Variants in MYLK4 observed in about 807,000 individuals in gnomAD.
MYLK4 encodes caMLCK like.
MYLK4 carries 46 observed loss-of-function variants against 48.1 expected under a neutral mutation model. The ratio of observed to expected loss-of-function variants is 0.96; its 90% CI spans 0.75 to 1.22. The LOEUF (loss-of-function observed/expected upper bound fraction) is 1.22. MYLK4 is among the 50% of genes most tolerant of loss of function. MYLK4 has a pLI of 0.00. For synonymous variants in MYLK4, 170 were observed against 180.8 expected (o/e 0.94, Z 0.48); for missense variants, 451 against 486.1 (o/e 0.93, Z 0.68).
intron 2 of MYLK4, among the ~76,000 whole-genome samples, chr6:2,698,685 T>TA (rs958473527): frequency 6.6e-6 from 1 of 152,186 alleles, no homozygotes; most frequent in African/African-American, 2.4e-5. Flanking sequence ...CCTACAAGAA[T>TA]ACAAAGAGAT....
At chr6:2,738,927 T>C (rs1393112007) in intron 2 of MYLK4, among the ~76,000 whole-genome samples, 1 of 152,216 alleles carries the variant, frequency 6.6e-6, no homozygotes, top group Non-Finnish European at 1.5e-5. Flanking sequence ...GATAATGATA[T>C]GTTAATGTAA....
chr6:2,747,907 C>T (rs932465317), intron 2 of MYLK4, among the ~76,000 whole-genome samples: 9 of 152,076 alleles, frequency 5.9e-5, no homozygotes. Context: ...GATATTTCTC[C>T]TTGGTCTATA....
At chr6:2,694,917 A>G (rs1395493513) in intron 2 of MYLK4, among the ~76,000 whole-genome samples, 1 of 152,138 alleles carries the variant, frequency 6.6e-6, no homozygotes, top group African/African-American at 2.4e-5. Flanking sequence ...AAAAAAAAAG[A>G]TAGAAAGACT....
rs1351535842 is a variant in MYLK4, at chr6:2,664,491, G to C, written c.*3434C>G. 1.3e-5 allele frequency: 2 copies of C among 152,210 alleles called. No homozygotes were observed. The highest frequency in any genetic ancestry group is 6.5e-5 in the Admixed American group (1 of 15,282). The allele number at this position is 152,210 out of a possible 1,614,324, so 9.4% of individuals were successfully genotyped here. On this transcript the variant is annotated 3_prime_UTR_variant, in exon 13 of 13. Coordinates refer to ENST00000274643, the MANE Select transcript of MYLK4 (RefSeq NM_001012418.5). ...GCATGCACACTGGCACCCGTGCTGC[G>C]TGGCTGGGGGAGGGGCAGAGGAAGC...
intron 3 of MYLK4, 135 bp downstream of exon 3, chr6:2,692,649 G>T (rs1335022774): frequency 5.2e-6 from 3 of 578,420 alleles, no homozygotes; most frequent in Admixed American, 8.2e-5. Flanking sequence ...AAAAGGGGGG[G>T]GGGGGCATTT....
At chr6:2,770,186 TC>T in the MYLK4 span, 1 of 1,614,210 alleles carries the variant, frequency 6.2e-7, no homozygotes, top group Non-Finnish European at 8.5e-7. Flanking sequence ...TGAAAACCCT[TC>T]CTTCCAGGTC....
In MYLK4 at chr6:2,666,304, A is replaced by G. The variant is rs1166188511; in HGVS notation, c.*1621T>C. 1 of 152,194 alleles carries G rather than the reference A, an allele frequency of 6.6e-6. No homozygotes were observed. Among genetic ancestry groups the G allele is most frequent in the Non-Finnish European group, 1.5e-5 (1 of 68,046 alleles). 9.4% of individuals were successfully genotyped at this position (152,194 alleles called of 1,614,324 possible). A position where few individuals can be genotyped will look rare whatever the true frequency, so the allele number is the denominator to read the frequency against. On this transcript the variant is annotated 3_prime_UTR_variant, in exon 13 of 13. Coordinates refer to ENST00000274643, the MANE Select transcript of MYLK4 (RefSeq NM_001012418.5). ...CCACCAAGTAATTCTTATGCCTTTCATTGCTATTGCGACAACAGTAATTGA... is the reference window on the plus strand; with the variant it reads ...CCACCAAGTAATTCTTATGCCTTTCGTTGCTATTGCGACAACAGTAATTGA...
chr6:2,721,076 G>A lies in MYLK4; in HGVS notation c.159+28060C>T, dbSNP rs562460880. On this transcript the variant is annotated intron_variant, in intron 2 of 12. Coordinates refer to ENST00000274643, the MANE Select transcript of MYLK4 (RefSeq NM_001012418.5). ...CTCGGGAGGCCAAGGCAGGAGAATC[G>A]CTTGAACTTGGGGGGCAGAGGTTGC... Among the ~76,000 whole-genome samples the A allele has an allele frequency of 2.4e-3, 361 of 152,226 alleles. 1 individual carries two copies. The highest frequency in any genetic ancestry group is 8.1e-3 in the African/African-American group (335 of 41,524).
intron 2 of MYLK4, among the ~76,000 whole-genome samples, chr6:2,739,314 T>C (rs963258408): frequency 6.6e-6 from 1 of 152,166 alleles, no homozygotes; most frequent in African/African-American, 2.4e-5. Flanking sequence ...AGTAAATTAA[T>C]ACAGAATCTA....
the MYLK4 span, among the ~76,000 whole-genome samples, chr6:2,762,202 T>C: frequency 6.6e-6 from 1 of 151,678 alleles, no homozygotes; most frequent in Non-Finnish European, 1.5e-5. Flanking sequence ...TTATATTAAT[T>C]CTATCTCTCT....
intron 12 of MYLK4, among the ~76,000 whole-genome samples, chr6:2,668,405 A>G (rs1439762106): frequency 6.6e-6 from 1 of 152,200 alleles, no homozygotes; most frequent in Non-Finnish European, 1.5e-5. Flanking sequence ...CCCTAAATTT[A>G]TATCCCATAA....
intron 2 of MYLK4, among the ~76,000 whole-genome samples, chr6:2,727,532 A>C (rs1404451264): frequency 3.3e-5 from 5 of 152,186 alleles, no homozygotes; most frequent in African/African-American, 1.2e-4. Context: ...ATACTTCAAA[A>C]TTGTAGAGTG....
intron 1 of MYLK4, among the ~76,000 whole-genome samples, chr6:2,750,147 T>C (rs1306279827): frequency 6.6e-6 from 1 of 152,236 alleles, no homozygotes; most frequent in East Asian, 1.9e-4. Flanking sequence ...GAATTTGTGC[T>C]AGTTCCGCAT....
At chr6:2,730,166 G>T (rs920927787) in intron 2 of MYLK4, among the ~76,000 whole-genome samples, 2 of 152,206 alleles carry the variant, frequency 1.3e-5, no homozygotes, top group African/African-American at 2.4e-5. Context: ...GAGGTGAGGG[G>T]CTGAAAGCAA....
chr6:2,683,341 T>C (rs1386531124), intron 6 of MYLK4, among the ~76,000 whole-genome samples, 179 bp from the exon 7 acceptor site: 5 of 151,962 alleles, frequency 3.3e-5, no homozygotes, highest in African/African-American at 4.8e-5. Flanking sequence ...CTGTATTTTA[T>C]ATACCTTTAA....
intron 2 of MYLK4, among the ~76,000 whole-genome samples, chr6:2,735,692 T>G (rs537940025): frequency 6.6e-6 from 1 of 152,132 alleles, no homozygotes; most frequent in South Asian, 2.1e-4. Context: ...CCCAAAACTA[T>G]GCACACACCT....
chr6:2,701,983 C>G (rs1387090025), intron 2 of MYLK4, among the ~76,000 whole-genome samples: 1 of 152,218 alleles, frequency 6.6e-6, no homozygotes, highest in African/African-American at 2.4e-5. Context: ...GAGCTAATCT[C>G]GTACTTGGGT....
chr6:2,761,884 A>C, the MYLK4 span, among the ~76,000 whole-genome samples: 1 of 152,158 alleles, frequency 6.6e-6, no homozygotes, highest in African/African-American at 2.4e-5. Context: ...AAGTAGAAAA[A>C]GGAAATGGCA....
At chr6:2,721,907 T>C (rs1026453032) in intron 2 of MYLK4, among the ~76,000 whole-genome samples, 1 of 152,242 alleles carries the variant, frequency 6.6e-6, no homozygotes, top group Non-Finnish European at 1.5e-5. Context: ...AATGTGTACA[T>C]ATAAAATTAA....
Sources: gnomAD v4.1 joint callset for allele counts (sites outside exome capture counted in the v4.1 genomes callset) on GRCh38, gnomAD v4.1.1 for gene constraint, MANE v1.5 for transcripts, NCBI Gene and HGNC (gene_info 2026-07-23, HGNC 2026-07-21) for gene names.